RPS6KA6: variants seen among roughly 807,000 people sequenced by gnomAD.
RPS6KA6 encodes ribosomal protein S6 kinase alpha-6.
A neutral mutation model predicts 65.4 loss-of-function variants in RPS6KA6; 27 were observed. That is an observed-to-expected ratio of 0.41 (90% confidence interval 0.30 to 0.57). The LOEUF (loss-of-function observed/expected upper bound fraction) is 0.57, where lower values mean the gene tolerates loss of function less well. Among genes scored for constraint, RPS6KA6 ranks in the 20% least tolerant of loss-of-function variants. The probability of loss-of-function intolerance (pLI) is 0.24; values close to 1 mark genes in which losing one functional copy is unlikely to be tolerated. For missense variants in RPS6KA6, 486 were observed against 555.6 expected (o/e 0.87, Z 1.26); for synonymous variants, 190 against 184.2 (o/e 1.03, Z -0.26).
At chrX:84,079,466 G>A (rs2033739258) in intron 20 of RPS6KA6, among the ~76,000 whole-genome samples, 1 of 108,299 alleles carries the variant, frequency 9.2e-6, no homozygotes, top group Admixed American at 9.9e-5. Context: ...TGGAACGCCA[G>A]CAAGACAGAA....
intron 20 of RPS6KA6, among the ~76,000 whole-genome samples, chrX:84,091,720 T>C (rs1188320882): frequency 1.8e-5 from 2 of 112,116 alleles, no homozygotes; most frequent in East Asian, 5.6e-4. Flanking sequence ...TAAATCATTC[T>C]ATTATGAAGA....
At chrX:84,083,298 G>A (rs1362706945) in intron 20 of RPS6KA6, among the ~76,000 whole-genome samples, 1 of 112,280 alleles carries the variant, frequency 8.9e-6, no homozygotes, top group Non-Finnish European at 1.9e-5. Flanking sequence ...GTAAACGTCT[G>A]CCATGGTGGT....
intron 6 of RPS6KA6, among the ~76,000 whole-genome samples, chrX:84,144,814 T>G (rs2035171482): frequency 9.0e-6 from 1 of 110,977 alleles, no homozygotes; most frequent in African/African-American, 3.3e-5. Context: ...TCATGATGTA[T>G]CCATACAATC....
intron 1 of RPS6KA6, among the ~76,000 whole-genome samples, chrX:84,179,467 G>A (rs1028948926): frequency 9.0e-6 from 1 of 111,564 alleles, no homozygotes; most frequent in South Asian, 3.7e-4. Flanking sequence ...CAAATCAACT[G>A]TGGTACATTC....
chrX:84,079,514 G>A (rs2033740894), intron 20 of RPS6KA6, among the ~76,000 whole-genome samples: 1 of 110,221 alleles, frequency 9.1e-6, no homozygotes, highest in Non-Finnish European at 1.9e-5. Flanking sequence ...AAGCCAGGAA[G>A]CCAAGAGGTC....
chrX:84,121,094 C>T (rs1297224968), intron 8 of RPS6KA6, among the ~76,000 whole-genome samples: 5 of 112,357 alleles, frequency 4.5e-5, no homozygotes, highest in East Asian at 5.6e-4. Flanking sequence ...CTAAGTATAA[C>T]GTGAATTTCA....
intron 3 of RPS6KA6, among the ~76,000 whole-genome samples, chrX:84,148,373 G>A (rs1289561942): frequency 3.6e-5 from 4 of 110,164 alleles, no homozygotes; most frequent in African/African-American, 1.3e-4. Flanking sequence ...ACAACTATTT[G>A]TCAATTTAAA....
chrX:84,133,839 GA>G (rs1245069457), intron 8 of RPS6KA6, among the ~76,000 whole-genome samples: 1 of 111,043 alleles, frequency 9.0e-6, no homozygotes, highest in East Asian at 2.8e-4. Context: ...TTTTGTACAT[GA>G]AAAAGATAAT....
At chrX:84,082,487 G>C (rs879114730) in intron 20 of RPS6KA6, among the ~76,000 whole-genome samples, 1 of 112,107 alleles carries the variant, frequency 8.9e-6, no homozygotes, top group South Asian at 3.7e-4. Context: ...CTCATGGATA[G>C]GAAGAATCAA....
At chrX:84,133,661 G>T (rs2034942877) in intron 8 of RPS6KA6, among the ~76,000 whole-genome samples, 1 of 110,753 alleles carries the variant, frequency 9.0e-6, no homozygotes, top group South Asian at 3.8e-4. Flanking sequence ...GACAAAAGAG[G>T]TATACTTTAT....
chrX:84,152,496 T>C (rs1044103438), intron 3 of RPS6KA6, among the ~76,000 whole-genome samples: 1 of 103,587 alleles, frequency 9.7e-6, no homozygotes, highest in African/African-American at 3.3e-5. Context: ...GGTGACAATG[T>C]ACTTATCTGT....
chrX:84,187,556 CACA>C (rs2035942645), intron 1 of RPS6KA6: 3 of 285,828 alleles, frequency 1.0e-5, no homozygotes, highest in Admixed American at 6.4e-5. Flanking sequence ...GAAACTTAGT[CACA>C]ACAACTCTGG....
intron 6 of RPS6KA6, among the ~76,000 whole-genome samples, chrX:84,137,654 T>C (rs1450908920): frequency 8.9e-6 from 1 of 112,114 alleles, no homozygotes; most frequent in Non-Finnish European, 1.9e-5. Context: ...CTTTTCAAAT[T>C]TGATGTGTGA....
At position 84,116,217 on chromosome X, in the gene RPS6KA6, T is replaced by C; in HGVS notation, c.1008+12A>G. On this transcript the variant is annotated intron_variant, in intron 12 of 21. Transcript: ENST00000262752. ...TGAAGTTATTCAATAACAAGCTTTC[T>C]ACTTAACTTACATCCCAGTCAATAT... 9.3e-7 allele frequency: 1 copy of C among 1,075,444 alleles called. No individual in the cohort carries two copies. Among genetic ancestry groups the C allele is most frequent in the Non-Finnish European group, 1.3e-6 (1 of 781,825 alleles). The allele number at this position is 1,075,444 out of a possible 1,213,427, so 88.6% of individuals were successfully genotyped here.
Position 84,181,138 on chromosome X carries a change from C to T in RPS6KA6, c.81+6681G>A, listed in dbSNP as rs1250568561. 3.6e-5 allele frequency among the ~76,000 whole-genome samples: 4 copies of T among 111,507 alleles called. 1 individual carries two copies. The highest frequency in any genetic ancestry group is 5.7e-5 in the Non-Finnish European group (3 of 52,988). ...GGGTGTTTAAATTGCTATATTTCCT[C>T]TTAAAGTTTGTCTTCAATCACTTTA... On this transcript the variant is annotated intron_variant, in intron 1 of 21. Transcript: ENST00000262752.
chrX:84,111,607 G>A (rs1315459478), intron 12 of RPS6KA6, among the ~76,000 whole-genome samples: 1 of 111,337 alleles, frequency 9.0e-6, no homozygotes, highest in African/African-American at 3.3e-5. Flanking sequence ...AAATGAAGAA[G>A]ACATAAAGTC....
intron 3 of RPS6KA6, among the ~76,000 whole-genome samples, chrX:84,150,477 T>C (rs956972099): frequency 1.8e-5 from 2 of 110,657 alleles, no homozygotes; most frequent in African/African-American, 6.6e-5. Context: ...ACACTTCCTT[T>C]CCCTTGAACA....
Position 84,117,435 on chromosome X carries a change from G to C in RPS6KA6, c.809C>G (p.Thr270Ser). The change falls in exon 10 of 22, where the codon ACT (threonine) becomes AGT (serine). Residue 270 changes from threonine to serine, a missense_variant. Physicochemically the swap from Thr to Ser is moderately conservative, Grantham distance 58. Coordinates refer to ENST00000262752, the MANE Select transcript of RPS6KA6 (RefSeq NM_014496.5). ...GVLMFEMLTG[T>S]LPFQGKDRNE... ...TCTGTCTTTACCTTGAAATGGCAGA[G>C]TACCAGTAAGCATTTCAAACTAAAA... The C allele has an allele frequency of 8.6e-7, 1 of 1,160,396 alleles. No individual in the cohort carries two copies. Among genetic ancestry groups the C allele is most frequent in the Non-Finnish European group, 1.2e-6 (1 of 860,970 alleles).
chrX:84,091,190 C>A (rs2034036893), intron 20 of RPS6KA6, among the ~76,000 whole-genome samples: 1 of 111,927 alleles, frequency 8.9e-6, no homozygotes, highest in Non-Finnish European at 1.9e-5. Flanking sequence ...CGACTTCAAG[C>A]CAAAATGAAA....
Sources: gnomAD v4.1 joint callset for allele counts (sites outside exome capture counted in the v4.1 genomes callset) on GRCh38, gnomAD v4.1.1 for gene constraint, MANE v1.5 for transcripts, NCBI Gene and HGNC (gene_info 2026-07-23, HGNC 2026-07-21) for gene names.